PDE10A: variants seen among roughly 807,000 people sequenced by gnomAD.
The protein encoded by PDE10A is phosphodiesterase 10A, also known as cAMP and cAMP-inhibited cGMP 3',5'-cyclic phosphodiesterase 10A.
A neutral mutation model predicts 97.7 loss-of-function variants in PDE10A; 39 were observed. That is an observed-to-expected ratio of 0.40 (90% CI 0.31 to 0.52). PDE10A has a LOEUF of 0.52. PDE10A is among the 20% of genes least tolerant of loss of function. The pLI is 0.56. For synonymous variants in PDE10A, 371 were observed against 376.8 expected, an observed-to-expected ratio of 0.98 and a Z score of 0.18; for missense variants, 731 against 1,047.8, an observed-to-expected ratio of 0.70 and a Z score of 4.17.
chr6:165,943,175 A>AAAAG lies in PDE10A; in HGVS notation c.-615+44350_-615+44353dup, dbSNP rs1210872117. Among the ~76,000 whole-genome samples, 394 of 68,444 alleles carry AAAAG rather than the reference A, an allele frequency of 5.8e-3. 9 individuals carry two copies. Among genetic ancestry groups the AAAAG allele is most frequent in the Middle Eastern group, 0.013 (2 of 154 alleles). 44.9% of individuals were successfully genotyped at this position (68,444 alleles called of 152,430 possible). ...AGAGAGAGAGAGAAGAAAGAAAGAA[A>AAAAG]AAAGAAAGAAAGAAAGAAAGAAAGA... On this transcript the variant is annotated intron_variant, in intron 1 of 19. Transcript: ENST00000366882.
chr6:165,495,017 C>T (rs1476454056), intron 2 of PDE10A, among the ~76,000 whole-genome samples: 6 of 152,052 alleles, frequency 3.9e-5, no homozygotes, highest in Admixed American at 6.6e-5. Context: ...AATATATATC[C>T]GTATCTTAGG....
Position 165,671,504 on chromosome 6 carries a change from C to T in PDE10A, c.-614-127936G>A, listed in dbSNP as rs1011596147. On this transcript the variant is annotated intron_variant, in intron 1 of 19. Coordinates refer to the PDE10A transcript ENST00000366882. This position sits in a 1 kb window ranked among gnomAD's most constrained non-coding sequence, Gnocchi z 4.6. The stretch of plus-strand genomic sequence containing the variant: ...AGGAAGCCAGCTGCTCATGCTGCCA[C>T]CTTCCCGTTGGCTGCTGTGTATATC... Among the ~76,000 whole-genome samples the T allele has an allele frequency of 6.6e-6, 1 of 152,132 alleles. No individual in the cohort carries two copies. Among genetic ancestry groups the T allele is most frequent in the African/African-American group, 2.4e-5 (1 of 41,428 alleles).
At chr6:165,763,814 C>T (rs1233746293) in intron 1 of PDE10A, among the ~76,000 whole-genome samples, 5 of 152,222 alleles carry the variant, frequency 3.3e-5, no homozygotes, top group Non-Finnish European at 2.9e-5. Context: ...GAGCAACCAG[C>T]ATAGGAAGCT....
At position 165,688,109 on chromosome 6, in the gene PDE10A, A is replaced by G. The variant is rs139425326; in HGVS notation, c.-614-144541T>C. Among the ~76,000 whole-genome samples, 534 of 152,356 alleles carry G rather than the reference A, an allele frequency of 3.5e-3. 4 individuals are homozygous for G. The highest frequency in any genetic ancestry group is 0.012 in the African/African-American group (499 of 41,586). On this transcript the variant is annotated intron_variant, in intron 1 of 19. Transcript: ENST00000366882. ...AACATGCCACAGGTGCCACGTAGAG[A>G]TACACATTTTCCTATGGTAAAAGGG...
At chr6:165,441,749 C>T (rs1790485463) in intron 5 of PDE10A, among the ~76,000 whole-genome samples, 2 of 152,172 alleles carry the variant, frequency 1.3e-5, no homozygotes, top group Admixed American at 1.3e-4. Flanking sequence ...ATCACTGTCT[C>T]CCCGGGTTTA....
At chr6:165,686,391 C>G (rs1194601481) in intron 1 of PDE10A, among the ~76,000 whole-genome samples, 1 of 152,154 alleles carries the variant, frequency 6.6e-6, no homozygotes, top group Non-Finnish European at 1.5e-5. Context: ...CCCCGTTCTC[C>G]TCTTTGCAGC....
intron 1 of PDE10A, among the ~76,000 whole-genome samples, chr6:165,759,962 AT>A (rs1284690896): frequency 6.6e-6 from 1 of 152,230 alleles, no homozygotes; most frequent in Non-Finnish European, 1.5e-5. Context: ...TCCACATACA[AT>A]TATTTTGAAC....
intron 1 of PDE10A, among the ~76,000 whole-genome samples, chr6:165,765,564 G>A (rs747073853): frequency 2.6e-5 from 4 of 152,234 alleles, no homozygotes; most frequent in South Asian, 2.1e-4. Context: ...CGGCAGGGCC[G>A]GCTGGCTGCT....
rs566546245 is a variant in PDE10A, at chr6:165,831,748, G to A, written c.-615+155781C>T. Reference sequence around the variant, plus strand: ...GATCCACCCACCTCGGCCTCCCAAAGTGCTGGGATTACAGGTGTGAGCCAC... The same window carrying A: ...GATCCACCCACCTCGGCCTCCCAAAATGCTGGGATTACAGGTGTGAGCCAC... On this transcript the variant is annotated intron_variant, in intron 1 of 19. Transcript: ENST00000366882. Among the ~76,000 whole-genome samples the A allele has an allele frequency of 2.0e-5, 3 of 152,182 alleles. No individual in the cohort carries two copies. In the East Asian group the frequency reaches 5.8e-4, roughly 30 times the overall value.
intron 1 of PDE10A, among the ~76,000 whole-genome samples, chr6:165,934,594 A>G (rs1380068390): frequency 1.3e-5 from 2 of 152,196 alleles, no homozygotes; most frequent in African/African-American, 4.8e-5. Context: ...CTAAACTACC[A>G]TAAACAAGTG....
intron 18 of PDE10A, among the ~76,000 whole-genome samples, chr6:165,355,604 G>C (rs56854061): frequency 0.15 from 22,161 of 152,004 alleles, 1,810 homozygotes; most frequent in East Asian, 0.27. Context: ...AGCCCCTGTT[G>C]CTGGACATTT....
chr6:165,806,340 T>G (rs1315551035), intron 1 of PDE10A, among the ~76,000 whole-genome samples: 1 of 152,196 alleles, frequency 6.6e-6, no homozygotes, highest in Non-Finnish European at 1.5e-5. Flanking sequence ...CTCCGCGTTC[T>G]CCATCATGTA....
At chr6:165,367,331 GA>G (rs34975556) in intron 18 of PDE10A, among the ~76,000 whole-genome samples, 70,293 of 150,552 alleles carry the variant, frequency 0.47, 17,211 homozygotes, top group African/African-American at 0.63. Context: ...AGAATATTAG[GA>G]AAAAAAACAG....
At chr6:165,842,250 G>A (rs901532065) in intron 1 of PDE10A, among the ~76,000 whole-genome samples, 1 of 151,976 alleles carries the variant, frequency 6.6e-6, no homozygotes, top group African/African-American at 2.4e-5. Flanking sequence ...ACAAAAGCCG[G>A]GTAATTCAGA....
chr6:165,971,723 G>A (rs1359851645), intron 1 of PDE10A, among the ~76,000 whole-genome samples: 1 of 152,148 alleles, frequency 6.6e-6, no homozygotes, highest in Non-Finnish European at 1.5e-5. Flanking sequence ...AAATCTTCAG[G>A]CCTGGGATTG....
Position 165,405,036 on chromosome 6 carries a change from T to C in PDE10A, c.2076+8465A>G, listed in dbSNP as rs147322334. ...ATGCTGAGGACTGCAAAGGTGACAA[T>C]AGTTTCCTCTAACGTGTTTCAGTGG... On this transcript the variant is annotated intron_variant, in intron 13 of 21. Coordinates refer to ENST00000539869, the MANE Select transcript of PDE10A (RefSeq NM_001385079.1). Among the ~76,000 whole-genome samples, 62 of 151,898 alleles carry C rather than the reference T, an allele frequency of 4.1e-4. No individual in the cohort carries two copies. In the East Asian group the frequency reaches 0.012, roughly 29 times the overall value.
chr6:165,376,279 T>C (rs1009105471), intron 18 of PDE10A, among the ~76,000 whole-genome samples: 1 of 152,192 alleles, frequency 6.6e-6, no homozygotes, highest in African/African-American at 2.4e-5. Flanking sequence ...GCAGATGTGG[T>C]AGAAACTAGT....
intron 1 of PDE10A, among the ~76,000 whole-genome samples, chr6:165,804,483 G>C (rs1272942978): frequency 6.6e-6 from 1 of 152,160 alleles, no homozygotes; most frequent in Non-Finnish European, 1.5e-5. Context: ...TGTGCGGTGG[G>C]GAGAGAGACC....
At chr6:165,512,562 T>C (rs763558054) in intron 2 of PDE10A, among the ~76,000 whole-genome samples, 1 of 151,986 alleles carries the variant, frequency 6.6e-6, no homozygotes, top group Non-Finnish European at 1.5e-5. Context: ...TTCCATTACA[T>C]GAATGTATCA....
Sources: allele counts gnomAD v4.1 joint callset (sites outside exome capture counted in the v4.1 genomes callset), GRCh38; gene constraint gnomAD v4.1.1; non-coding constraint Gnocchi (gnomAD v3.1); transcripts MANE v1.5; gene names NCBI Gene and HGNC (gene_info 2026-07-23, HGNC 2026-07-21).